Variants in FSTL5 observed in about 807,000 individuals in gnomAD.
FSTL5 encodes follistatin like 5, also known as follistatin-related protein 5.
FSTL5 carries 62 observed loss-of-function variants against 89.1 expected under a neutral mutation model. The observed-to-expected ratio is 0.70, with a 90% CI of 0.57 to 0.86. The LOEUF (loss-of-function observed/expected upper bound fraction) is 0.86, where lower values mean the gene tolerates loss of function less well. FSTL5 is among the 40% of genes least tolerant of loss of function. The pLI is 0.00. For synonymous variants in FSTL5, 383 were observed against 346.2 expected, an observed-to-expected ratio of 1.11 and a Z score of -1.18; for missense variants, 1,057 against 1,001.6, an observed-to-expected ratio of 1.06 and a Z score of -0.75.
intron 7 of FSTL5, among the ~76,000 whole-genome samples, chr4:161,632,225 A>G (rs1487602592): frequency 6.6e-6 from 1 of 152,036 alleles, no homozygotes; most frequent in Admixed American, 6.6e-5. Flanking sequence ...CTAAAAATAC[A>G]AAAAATTAGT....
At chr4:161,943,584 G>A (rs199703058) in intron 3 of FSTL5, among the ~76,000 whole-genome samples, 1 of 96,894 alleles carries the variant, frequency 1.0e-5, no homozygotes, top group East Asian at 3.1e-4. Flanking sequence ...TTGAGGTGGA[G>A]TCTTGCTGTC....
chr4:161,778,820 C>T (rs749199637), intron 4 of FSTL5, among the ~76,000 whole-genome samples: 22 of 152,206 alleles, frequency 1.4e-4, no homozygotes, highest in Non-Finnish European at 5.9e-5. Flanking sequence ...AGGGAACCTT[C>T]AAATAGCAAA....
chr4:162,022,031 C>A lies in FSTL5; in HGVS notation c.160+11594G>T, dbSNP rs546873884. Among the ~76,000 whole-genome samples, 5 of 150,580 alleles carry A rather than the reference C, an allele frequency of 3.3e-5. No homozygotes were observed. In the South Asian group the frequency reaches 1.0e-3, roughly 31 times the overall value. On this transcript the variant is annotated intron_variant, in intron 3 of 15. Transcript: ENST00000306100. ...GTTGGAACCTGGGAGGCAGAGATTG[C>A]AGTGGGCCGAGATTGCACCAGTGCA...
chr4:162,148,214 G>A (rs745469984), intron 1 of FSTL5, among the ~76,000 whole-genome samples: 1 of 152,044 alleles, frequency 6.6e-6, no homozygotes, highest in Non-Finnish European at 1.5e-5. Context: ...CCCATGTTAG[G>A]TGACTTGGTG....
intron 3 of FSTL5, among the ~76,000 whole-genome samples, chr4:161,992,904 GTATATATATATATATATATA>G (rs755647924): frequency 1.6e-5 from 1 of 62,300 alleles, no homozygotes; most frequent in African/African-American, 6.1e-5. Context: ...ATATGTGTGT[GTATATATATATATATATATA>G]TGTGTGTATA....
chr4:162,005,155 C>A (rs1330772129), intron 3 of FSTL5, among the ~76,000 whole-genome samples: 2 of 152,088 alleles, frequency 1.3e-5, no homozygotes, highest in Non-Finnish European at 2.9e-5. Flanking sequence ...TCTGTGTTTT[C>A]ACCTGTGTTG....
intron 12 of FSTL5, among the ~76,000 whole-genome samples, chr4:161,490,961 A>G (rs1461600370): frequency 6.6e-6 from 1 of 152,070 alleles, no homozygotes; most frequent in African/African-American, 2.4e-5. Context: ...CTTTAGAAAT[A>G]AGTGTTACTT....
chr4:161,625,539 C>T (rs543004375), intron 7 of FSTL5, among the ~76,000 whole-genome samples: 1 of 152,200 alleles, frequency 6.6e-6, no homozygotes, highest in African/African-American at 2.4e-5. Context: ...CTGGCCAATA[C>T]TTCATCTCTC....
intron 7 of FSTL5, among the ~76,000 whole-genome samples, chr4:161,650,884 C>T (rs1451317592): frequency 6.6e-6 from 1 of 151,970 alleles, no homozygotes; most frequent in African/African-American, 2.4e-5. Context: ...ATGTTTAGAC[C>T]TACTTTCTCT....
intron 6 of FSTL5, among the ~76,000 whole-genome samples, chr4:161,726,336 C>T (rs1452218438): frequency 6.8e-6 from 1 of 147,752 alleles, no homozygotes; most frequent in Non-Finnish European, 1.5e-5. Flanking sequence ...AAGCAATTCT[C>T]CTGTGTCAGC....
intron 6 of FSTL5, among the ~76,000 whole-genome samples, chr4:161,687,334 A>G (rs182213386): frequency 6.6e-6 from 1 of 152,008 alleles, no homozygotes; most frequent in South Asian, 2.1e-4. Context: ...CTCATATAAG[A>G]CCCATCTTTA....
intron 4 of FSTL5, among the ~76,000 whole-genome samples, chr4:161,848,917 C>T (rs1383297227): frequency 1.3e-5 from 2 of 151,166 alleles, no homozygotes; most frequent in East Asian, 3.9e-4. Context: ...GAAACATAGC[C>T]ATCTACACTT....
At chr4:162,032,013 G>A (rs965705575) in intron 3 of FSTL5, among the ~76,000 whole-genome samples, 1 of 152,118 alleles carries the variant, frequency 6.6e-6, no homozygotes, top group Non-Finnish European at 1.5e-5. Context: ...GCTAATAATA[G>A]TGAAAGGAGT....
chr4:162,035,577 A>G (rs1000918539), intron 2 of FSTL5, among the ~76,000 whole-genome samples: 6 of 152,066 alleles, frequency 3.9e-5, no homozygotes, highest in African/African-American at 1.4e-4. Context: ...CTGGGCAGTA[A>G]TAGGAGCCAG....
At chr4:161,954,555 C>A (rs1195142648) in intron 3 of FSTL5, among the ~76,000 whole-genome samples, 3 of 151,566 alleles carry the variant, frequency 2.0e-5, no homozygotes, top group African/African-American at 7.2e-5. Context: ...TAAAATATAT[C>A]TTTACATTCT....
rs150321837 is a variant in FSTL5 at position 161,519,555 on chromosome 4, C to T, written c.1313-9131G>A. On this transcript the variant is annotated intron_variant, in intron 10 of 15. Transcript: ENST00000306100. ...CAAAACAAAACAAAACAAAAAATAA[C>T]GAAATTTCTAATAAGAAAACATAAA... Among the ~76,000 whole-genome samples the T allele has an allele frequency of 8.6e-3, 1,303 of 151,004 alleles. 13 individuals carry two copies. Among genetic ancestry groups the T allele is most frequent in the African/African-American group, 0.03 (1,238 of 40,948 alleles).
At chr4:161,667,031 AGAC>A (rs1392007284) in intron 6 of FSTL5, among the ~76,000 whole-genome samples, 4 of 152,094 alleles carry the variant, frequency 2.6e-5, no homozygotes, top group African/African-American at 9.6e-5. Context: ...TGTATACTAA[AGAC>A]AGTACAATAC....
chr4:161,407,001 C>T (rs1731405359), intron 15 of FSTL5, among the ~76,000 whole-genome samples: 1 of 152,016 alleles, frequency 6.6e-6, no homozygotes, highest in Non-Finnish European at 1.5e-5. Context: ...CCTCCTTTCT[C>T]CTCTAGTACT....
intron 6 of FSTL5, among the ~76,000 whole-genome samples, chr4:161,663,924 C>T (rs1736799408): frequency 6.6e-6 from 1 of 152,226 alleles, no homozygotes. Flanking sequence ...ACGGGCTCAA[C>T]ACCACGTGGA....
Sources: gnomAD v4.1 joint callset for allele counts (sites outside exome capture counted in the v4.1 genomes callset) on GRCh38, gnomAD v4.1.1 for gene constraint, MANE v1.5 for transcripts, NCBI Gene and HGNC (gene_info 2026-07-23, HGNC 2026-07-21) for gene names.